DOP1A: variants seen among roughly 807,000 people sequenced by gnomAD.
The protein encoded by DOP1A is protein DOP1A.
A neutral mutation model predicts 267.6 loss-of-function variants in DOP1A; 90 were observed. The ratio of observed to expected loss-of-function variants is 0.34; its 90% CI spans 0.28 to 0.40. The LOEUF (loss-of-function observed/expected upper bound fraction) is 0.40. DOP1A is among the 10% of genes least tolerant of loss of function. The pLI is 1.00. For missense variants in DOP1A, 2,437 were observed against 2,900.4 expected, an observed-to-expected ratio of 0.84 and a Z score of 3.67; for synonymous variants, 932 against 999.1, an observed-to-expected ratio of 0.93 and a Z score of 1.27.
At position 83,101,305 on chromosome 6, in the gene DOP1A, C is replaced by T. The variant is rs571156763; in HGVS notation, c.320+419C>T. Among the ~76,000 whole-genome samples the T allele has an allele frequency of 1.4e-3, 215 of 152,282 alleles. 3 individuals are homozygous for T. The highest frequency in any genetic ancestry group is 5.0e-3 in the African/African-American group (207 of 41,550). Reference sequence around the variant, plus strand: ...TGCTGGGATTACAGGCATAAGCCACCGCGCCTGGCCTCAGATATCAATCTT... The same window carrying T: ...TGCTGGGATTACAGGCATAAGCCACTGCGCCTGGCCTCAGATATCAATCTT... On this transcript the variant is annotated intron_variant, in intron 4 of 38. Coordinates refer to ENST00000349129, the MANE Select transcript of DOP1A (RefSeq NM_015018.4).
downstream of DOP1A, chr6:83,170,420 G>A: frequency 6.2e-7 from 1 of 1,613,968 alleles, no homozygotes; most frequent in East Asian, 2.2e-5. Context: ...CTGTAATCCT[G>A]GGGGTGTAAC....
At chr6:83,095,447 C>A (rs1416060372) in intron 1 of DOP1A, among the ~76,000 whole-genome samples, 1 of 152,050 alleles carries the variant, frequency 6.6e-6, no homozygotes, top group African/African-American at 2.4e-5. Flanking sequence ...ACTATTCTTA[C>A]CTTGGTTGAA....
At chr6:83,170,210 TA>T, downstream of DOP1A, 2 of 1,140,744 alleles carry the variant, frequency 1.8e-6, no homozygotes, top group South Asian at 2.9e-5. Context: ...AATAAAGCCT[TA>T]ATCATCATAG....
intron 13 of DOP1A, 42 bp from the exon 14 acceptor site, chr6:83,125,124 T>C: frequency 6.4e-7 from 1 of 1,558,992 alleles, no homozygotes; most frequent in East Asian, 2.3e-5. Flanking sequence ...ATCTTTTCCC[T>C]TCTGTTTTCT....
Position 83,122,967 on chromosome 6 carries a change from T to G in DOP1A, c.1325T>G (p.Phe442Cys). ...ATGTGGGATTATGTTGCACGCTGGTTTGAAGAATGTTGTAGGTATGTTAAA... is the reference window on the plus strand; with the variant it reads ...ATGTGGGATTATGTTGCACGCTGGTGTGAAGAATGTTGTAGGTATGTTAAA... ...YYMWDYVARW[F>C]EECCRRTLHV... Residue 442 changes from phenylalanine to cysteine, a missense_variant, in exon 12 of 39, where the codon TTT becomes TGT. Coordinates refer to ENST00000349129, the MANE Select transcript of DOP1A (RefSeq NM_015018.4). 1 of 1,582,148 alleles carries G rather than the reference T, an allele frequency of 6.3e-7. No homozygotes were observed. Among genetic ancestry groups the G allele is most frequent in the Non-Finnish European group, 8.6e-7 (1 of 1,169,176 alleles).
At chr6:83,079,346 CTT>C (rs1007600550) in intron 1 of DOP1A, among the ~76,000 whole-genome samples, 2 of 151,440 alleles carry the variant, frequency 1.3e-5, no homozygotes, top group African/African-American at 4.9e-5. Flanking sequence ...TTGGAACAGT[CTT>C]AATAAAATGG....
chr6:83,102,630 A>T (rs1772793483), intron 4 of DOP1A, among the ~76,000 whole-genome samples: 1 of 152,218 alleles, frequency 6.6e-6, no homozygotes, highest in Non-Finnish European at 1.5e-5. Flanking sequence ...CACTGGCCTA[A>T]CATTGATCCA....
intron 17 of DOP1A, 138 bp from the exon 18 acceptor site, chr6:83,132,038 A>T: frequency 1.1e-6 from 1 of 951,828 alleles, no homozygotes; most frequent in East Asian, 2.6e-5. Flanking sequence ...TGCCTTAGTA[A>T]CCTCATCCCC....
intron 3 of DOP1A, among the ~76,000 whole-genome samples, chr6:83,097,863 TTATTA>T (rs1771785161): frequency 1.4e-5 from 2 of 145,870 alleles, no homozygotes; most frequent in African/African-American, 4.9e-5. Flanking sequence ...TTATTTTATT[TTATTA>T]TTTTATTTTA....
At chr6:83,132,754 T>C (rs1778278430) in intron 18 of DOP1A, among the ~76,000 whole-genome samples, 1 of 152,158 alleles carries the variant, frequency 6.6e-6, no homozygotes, top group East Asian at 1.9e-4. Flanking sequence ...ATATGTGAGA[T>C]TATATTATTT....
intron 24 of DOP1A, among the ~76,000 whole-genome samples, chr6:83,142,336 C>T (rs1414107491): frequency 3.3e-5 from 5 of 151,824 alleles, no homozygotes; most frequent in African/African-American, 9.7e-5. Flanking sequence ...AGTGAAACCC[C>T]GTCTCTACTA....
chr6:83,125,365 A>G, intron 14 of DOP1A, 135 bp from the exon 15 acceptor site: 1 of 1,009,488 alleles, frequency 9.9e-7, no homozygotes, highest in Non-Finnish European at 1.4e-6. Flanking sequence ...AATAAAATAT[A>G]CAGTGTTAAT....
Position 83,109,038 on chromosome 6 carries a change from G to A in DOP1A, c.449G>A (p.Gly150Asp), listed in dbSNP as rs1180735669. The A allele has an allele frequency of 6.2e-7, 1 of 1,613,370 alleles. No individual in the cohort carries two copies. The highest frequency in any genetic ancestry group is 8.5e-7 in the Non-Finnish European group (1 of 1,179,844). ...LKPGLQGLLT[G>D]ILPGLEEGSE... The stretch of plus-strand genomic sequence containing the variant: ...CCTGGTCTACAGGGATTGCTTACTG[G>A]TATTCTTCCTGGCTTAGAAGAAGGA... The change falls in exon 5 of 39, where the codon GGT (glycine) becomes GAT (aspartate). Residue 150 changes from glycine to aspartate, a missense_variant. Gly to Asp is a moderately conservative substitution (Grantham distance 94). Transcript: ENST00000349129.
intron 1 of DOP1A, among the ~76,000 whole-genome samples, chr6:83,094,084 C>T (rs1562286535): frequency 1.3e-5 from 2 of 152,102 alleles, no homozygotes; most frequent in South Asian, 4.1e-4. Flanking sequence ...TTCCTCTTCT[C>T]CCCCCACTCT....
Position 83,152,332 on chromosome 6 carries a change from G to A in DOP1A, c.6094G>A (p.Val2032Ile), listed in dbSNP as rs773339340. 2 of 1,561,944 alleles carry A rather than the reference G, an allele frequency of 1.3e-6. No homozygotes were observed. The highest frequency in any genetic ancestry group is 1.7e-4 in the Middle Eastern group (1 of 5,938). ...GGAAACCGCAAACATAACTCCTTCT[G>A]TATATAGTGTCCATGCATTGACATT... ...AMETANITPS[V>I]YSVHALTLLS... The change falls in exon 30 of 39, where the codon GTA becomes ATA. Residue 2032 changes from valine (V) to isoleucine (I), a missense_variant. Physicochemically the swap from Val to Ile is conservative, Grantham distance 29. Transcript: ENST00000349129.
downstream of DOP1A, chr6:83,169,747 AGC>A (rs1324081849): frequency 4.4e-6 from 2 of 458,254 alleles, no homozygotes; most frequent in Non-Finnish European, 8.8e-6. Context: ...TTCCCTATTC[AGC>A]GCACTCACTG....
chr6:83,150,801 A>G (rs1223197001), intron 27 of DOP1A, among the ~76,000 whole-genome samples: 1 of 152,206 alleles, frequency 6.6e-6, no homozygotes, highest in African/African-American at 2.4e-5. Flanking sequence ...AAGATTTTTT[A>G]AACTTTTCTG....
At chr6:83,105,356 C>CTTTTTTT (rs70987733) in intron 4 of DOP1A, among the ~76,000 whole-genome samples, 44 of 65,944 alleles carry the variant, frequency 6.7e-4, no homozygotes, top group Non-Finnish European at 8.4e-4. Flanking sequence ...GGATGTCTTT[C>CTTTTTTT]TTTTTTTTTT....
chr6:83,072,738 G>A lies in DOP1A; in HGVS notation c.-147+4959G>A, dbSNP rs567252369. Among the ~76,000 whole-genome samples, 5 of 152,286 alleles carry A rather than the reference G, an allele frequency of 3.3e-5. No individual in the cohort carries two copies. The East Asian group carries it at 9.6e-4, about 29-fold the overall frequency. On this transcript the variant is annotated intron_variant, in intron 1 of 38. Coordinates refer to ENST00000349129, the MANE Select transcript of DOP1A (RefSeq NM_015018.4). The stretch of plus-strand genomic sequence containing the variant: ...GATTGTGCTATTATATTATGAAAAG[G>A]TACTATAAAGTATCAGCTACCTGAA...
Sources: gnomAD v4.1 joint callset for allele counts (sites outside exome capture counted in the v4.1 genomes callset) on GRCh38, gnomAD v4.1.1 for gene constraint, MANE v1.5 for transcripts, NCBI Gene and HGNC (gene_info 2026-07-23, HGNC 2026-07-21) for gene names.